Variants in KCNQ4 observed in about 807,000 individuals in gnomAD.
KCNQ4 encodes potassium voltage-gated channel subfamily Q member 4, also known as potassium voltage-gated channel subfamily KQT member 4.
KCNQ4 carries 31 observed loss-of-function variants against 72.6 expected under a neutral mutation model. The observed-to-expected ratio is 0.43, with a 90% confidence interval of 0.32 to 0.58. KCNQ4 has a LOEUF of 0.58. KCNQ4 is among the 20% of genes least tolerant of loss of function. KCNQ4 has a pLI of 0.08. For synonymous variants in KCNQ4, 405 were observed against 403.7 expected, an observed-to-expected ratio of 1.00 and a Z score of -0.04; for missense variants, 869 against 962.6, an observed-to-expected ratio of 0.90 and a Z score of 1.29.
chr1:40,807,527 G>A (rs553097641), intron 1 of KCNQ4, among the ~76,000 whole-genome samples: 32 of 152,262 alleles, frequency 2.1e-4, no homozygotes, highest in African/African-American at 6.5e-4. Flanking sequence ...CAGCCCCTGA[G>A]GATTCTTGGA....
Position 40,818,272 on chromosome 1 carries a change from A to G in KCNQ4, c.514A>G (p.Lys172Glu), listed in dbSNP as rs1648159900. ...GWQGRFRFAR[K>E]PFCVIDFIVF... ...GCAGGGTCGCTTCCGCTTTGCCAGA[A>G]AGCCCTTCTGTGTCATCGGTAATGA... is the stretch of plus-strand genomic sequence containing the variant. Residue 172 changes from lysine (K) to glutamate (E), a missense_variant, in exon 3 of 14, where the codon AAG becomes GAG. By Grantham distance (56) the Lys-to-Glu change is moderately conservative (BLOSUM62 1). Around this residue, in one of 5 missense-constraint regions of KCNQ4, gnomAD observed 179 missense variants for 243.0 expected, o/e 0.74. Coordinates refer to ENST00000347132, the MANE Select transcript of KCNQ4 (RefSeq NM_004700.4). 1.2e-6 allele frequency: 2 copies of G among 1,613,800 alleles called. No homozygotes were observed. The highest frequency in any genetic ancestry group is 3.3e-5 in the Admixed American group (2 of 60,010).
At chr1:40,807,943 C>T (rs1029572362) in intron 1 of KCNQ4, among the ~76,000 whole-genome samples, 1 of 146,962 alleles carries the variant, frequency 6.8e-6, no homozygotes, top group Non-Finnish European at 1.5e-5. Context: ...AATAGCAAGA[C>T]CTTGTCTCTA....
intron 1 of KCNQ4, among the ~76,000 whole-genome samples, chr1:40,808,658 G>A (rs1399580017): frequency 2.0e-5 from 3 of 151,952 alleles, no homozygotes; most frequent in African/African-American, 4.8e-5. Flanking sequence ...CTGTCCCTGT[G>A]GAAGCTGGAG....
At position 40,804,148 on chromosome 1, in the gene KCNQ4, T is replaced by G. The variant is rs148359269; in HGVS notation, c.315-13117T>G. On this transcript the variant is annotated intron_variant, in intron 1 of 13. Transcript: ENST00000347132. ...TGAGGTTACCCTGACCCCTGCCAGG[T>G]TCAAGTAGCTGGGAAACTGGGCAAT... 5.6e-3 allele frequency among the ~76,000 whole-genome samples: 860 copies of G among 152,264 alleles called. 6 individuals are homozygous for G. The highest frequency in any genetic ancestry group is 8.7e-3 in the Non-Finnish European group (593 of 68,012).
intron 1 of KCNQ4, among the ~76,000 whole-genome samples, chr1:40,802,644 G>T (rs1647620039): frequency 6.6e-6 from 1 of 152,188 alleles, no homozygotes; most frequent in African/African-American, 2.4e-5. Flanking sequence ...CCGGGCGGGG[G>T]AAGGGGGCCG....
At chr1:40,787,991 G>T (rs542996000) in intron 1 of KCNQ4, among the ~76,000 whole-genome samples, 1 of 152,270 alleles carries the variant, frequency 6.6e-6, no homozygotes, top group African/African-American at 2.4e-5. Flanking sequence ...GTGAAGGTTT[G>T]CGGCTCTGTA....
intron 12 of KCNQ4, among the ~76,000 whole-genome samples, chr1:40,835,633 TG>T (rs1287795234): frequency 2.0e-5 from 3 of 152,222 alleles, no homozygotes; most frequent in Admixed American, 6.5e-5. Context: ...ATTTACTACT[TG>T]CCAGCCTGTG....
At chr1:40,804,147 G>A (rs1647678970) in intron 1 of KCNQ4, among the ~76,000 whole-genome samples, 1 of 152,210 alleles carries the variant, frequency 6.6e-6, no homozygotes, top group African/African-American at 2.4e-5. Flanking sequence ...CCCCTGCCAG[G>A]TTCAAGTAGC....
chr1:40,799,961 G>A (rs1647528798), intron 1 of KCNQ4, among the ~76,000 whole-genome samples: 1 of 152,138 alleles, frequency 6.6e-6, no homozygotes, highest in Non-Finnish European at 1.5e-5. Context: ...TCACGGGTTG[G>A]GGCCCAGAAT....
chr1:40,836,361 A>G (rs1306359156), intron 12 of KCNQ4, among the ~76,000 whole-genome samples: 1 of 152,230 alleles, frequency 6.6e-6, no homozygotes, highest in East Asian at 1.9e-4. Flanking sequence ...GGAGAAGGCA[A>G]TGAATGGAGC....
At chr1:40,808,769 G>A (rs918275318) in intron 1 of KCNQ4, among the ~76,000 whole-genome samples, 2 of 151,782 alleles carry the variant, frequency 1.3e-5, no homozygotes, top group African/African-American at 2.4e-5. Flanking sequence ...CTGTCTCCCC[G>A]CATCTTCAAC....
chr1:40,819,756 C>T, intron 5 of KCNQ4, 119 bp from the exon 6 acceptor site: 1 of 886,856 alleles, frequency 1.1e-6, no homozygotes, highest in Non-Finnish European at 1.9e-6. Context: ...CCCTAACCAG[C>T]CCCCGTGGGT....
chr1:40,808,339 C>A (rs956135290), intron 1 of KCNQ4, among the ~76,000 whole-genome samples: 13 of 152,244 alleles, frequency 8.5e-5, no homozygotes, highest in African/African-American at 3.1e-4. Flanking sequence ...TAAAAACAAA[C>A]AGCAACAAAA....
chr1:40,832,819 T>C (rs559389341), intron 10 of KCNQ4, among the ~76,000 whole-genome samples, 195 bp from the exon 11 acceptor site: 3 of 152,236 alleles, frequency 2.0e-5, no homozygotes, highest in South Asian at 4.1e-4. Context: ...CCGGGGCAGA[T>C]GGGCATGCAA....
intron 12 of KCNQ4, among the ~76,000 whole-genome samples, chr1:40,837,086 CTTTTCT>C (rs201768679): frequency 1.9e-3 from 244 of 129,146 alleles, no homozygotes; most frequent in African/African-American, 7.0e-3. Flanking sequence ...CTTTTCTTTT[CTTTTCT>C]TTTTTTTTTT....
intron 1 of KCNQ4, among the ~76,000 whole-genome samples, chr1:40,791,357 G>A (rs1210833742): frequency 3.3e-5 from 5 of 152,116 alleles, no homozygotes; most frequent in Non-Finnish European, 7.4e-5. Context: ...CTTCTCTGGG[G>A]GCCCCTCAGG....
intron 1 of KCNQ4, among the ~76,000 whole-genome samples, chr1:40,785,752 G>A (rs1647196189): frequency 6.6e-6 from 1 of 151,976 alleles, no homozygotes. Flanking sequence ...CTGTTTCTCG[G>A]GTGCTTGCTG....
At position 40,818,540 on chromosome 1, in the gene KCNQ4, G is replaced by A; in HGVS notation, c.568G>A (p.Ala190Thr). The change falls in exon 4 of 14, where the codon GCC becomes ACC. Residue 190 changes from alanine (A) to threonine (T), a missense_variant. Ala to Thr is a moderately conservative substitution (Grantham distance 58). Coordinates refer to ENST00000347132, the MANE Select transcript of KCNQ4 (RefSeq NM_004700.4). ...IVFVASVAVI[A>T]AGTQGNIFAT... is the part of the protein sequence containing the mutation. ...GTTCGTGGCCTCGGTGGCCGTCATCGCCGCGGGTACCCAGGGCAACATCTT... is the reference window on the plus strand; with the variant it reads ...GTTCGTGGCCTCGGTGGCCGTCATCACCGCGGGTACCCAGGGCAACATCTT... The A allele has an allele frequency of 6.2e-7, 1 of 1,602,776 alleles. No homozygotes were observed. The highest frequency in any genetic ancestry group is 8.5e-7 in the Non-Finnish European group (1 of 1,179,846).
chr1:40,822,429 G>A, intron 8 of KCNQ4, 27 bp downstream of exon 8: 2 of 1,305,914 alleles, frequency 1.5e-6, no homozygotes, highest in South Asian at 1.2e-5. Context: ...GTGGGGGTGG[G>A]TGGGGGGCTG....
Sources: allele counts gnomAD v4.1 joint callset (sites outside exome capture counted in the v4.1 genomes callset), GRCh38; gene constraint gnomAD v4.1.1; regional missense constraint gnomAD v4.1.1; transcripts MANE v1.5; gene names NCBI Gene and HGNC (gene_info 2026-07-23, HGNC 2026-07-21).